ALG12: variants seen among roughly 807,000 people sequenced by gnomAD.
The protein encoded by ALG12 is ALG12 alpha-1,6-mannosyltransferase, also known as dol-P-Man:Man(7)GlcNAc(2)-PP-Dol alpha-1,6-mannosyltransferase.
Under a neutral mutation model 46.0 loss-of-function variants are expected in ALG12, and 36 were observed. The observed-to-expected ratio is 0.78, with a 90% confidence interval of 0.60 to 1.03. The LOEUF (loss-of-function observed/expected upper bound fraction) is 1.03, where lower values mean the gene tolerates loss of function less well. ALG12 is among the 50% of genes least tolerant of loss of function. The probability of loss-of-function intolerance (pLI) is 0.00; values close to 1 mark genes in which losing one functional copy is unlikely to be tolerated. For synonymous variants in ALG12, 326 were observed against 291.6 expected, an observed-to-expected ratio of 1.12 and a Z score of -1.20; for missense variants, 599 against 633.5, an observed-to-expected ratio of 0.95 and a Z score of 0.58.
At chr22:49,871,759 T>TTAG in the ALG12 span, among the ~76,000 whole-genome samples, 8 of 15,096 alleles carry the variant, frequency 5.3e-4, no homozygotes, top group Admixed American at 3.7e-3. Context: ...ATTTATTTAT[T>TTAG]TTTTTTTTTT....
chr22:49,883,569 A>C, the ALG12 span: 1 of 1,428,676 alleles, frequency 7.0e-7, no homozygotes, highest in African/African-American at 1.5e-5. Flanking sequence ...ATTATGACGA[A>C]AAAGTGAAGA....
At position 49,907,956 on chromosome 22, in the gene ALG12, G is replaced by C. The variant is rs369030452; in HGVS notation, c.769-12C>G. On this transcript the variant is annotated splice_polypyrimidine_tract_variant and intron_variant, in intron 6 of 9. Transcript: ENST00000330817. Reference sequence around the variant, plus strand: ...AGCAGCGGGGAGGTCTGCGGGCTGGGTTAAGGAGGCCACGCACCTGTCCAC... The same window carrying C: ...AGCAGCGGGGAGGTCTGCGGGCTGGCTTAAGGAGGCCACGCACCTGTCCAC... The C allele has an allele frequency of 1.2e-6, 2 of 1,610,544 alleles. No individual in the cohort carries two copies. The highest frequency in any genetic ancestry group is 1.7e-6 in the Non-Finnish European group (2 of 1,179,682).
chr22:49,878,237 G>A, the ALG12 span, among the ~76,000 whole-genome samples: 12 of 151,430 alleles, frequency 7.9e-5, no homozygotes, highest in African/African-American at 2.2e-4. Flanking sequence ...CCCGGGAGGC[G>A]GAGGTTACAG....
the ALG12 span, chr22:49,885,524 G>A: frequency 3.8e-5 from 61 of 1,608,568 alleles, no homozygotes; most frequent in Non-Finnish European, 5.1e-5. Flanking sequence ...GAGACGGCTC[G>A]GCCCTCCTCT....
the ALG12 span, among the ~76,000 whole-genome samples, chr22:49,860,196 G>A: frequency 6.6e-6 from 1 of 152,280 alleles, no homozygotes; most frequent in Non-Finnish European, 1.5e-5. Context: ...CTACTCAGGA[G>A]GCTGAGGTGG....
the ALG12 span, chr22:49,885,492 C>T: frequency 1.3e-5 from 21 of 1,611,840 alleles, no homozygotes; most frequent in African/African-American, 2.7e-5. Flanking sequence ...TCCATAGCAA[C>T]GTGCTGAAAA....
At chr22:49,907,456 G>C (rs928135920) in intron 7 of ALG12, among the ~76,000 whole-genome samples, 74 of 152,272 alleles carry the variant, frequency 4.9e-4, no homozygotes, top group African/African-American at 1.8e-3. Flanking sequence ...TTTGACATAA[G>C]CGCCTAGTTC....
chr22:49,884,902 T>A, the ALG12 span: 2 of 1,602,364 alleles, frequency 1.2e-6, no homozygotes, highest in East Asian at 4.5e-5. Flanking sequence ...CGTGGCGGCC[T>A]TCTCATCTTC....
At chr22:49,899,828 A>G (rs2060496652), downstream of ALG12, among the ~76,000 whole-genome samples, 1 of 151,996 alleles carries the variant, frequency 6.6e-6, no homozygotes, top group African/African-American at 2.4e-5. Context: ...CCAGTGAGAA[A>G]TCCTTGCATC....
downstream of ALG12, among the ~76,000 whole-genome samples, chr22:49,899,409 C>T (rs375891380): frequency 1.2e-4 from 18 of 149,098 alleles, no homozygotes; most frequent in Admixed American, 2.7e-4. Context: ...GCCTGGGAGG[C>T]GGAGGTTGCA....
the ALG12 span, among the ~76,000 whole-genome samples, chr22:49,883,073 T>C: frequency 6.6e-6 from 1 of 152,372 alleles, no homozygotes; most frequent in South Asian, 2.1e-4. Context: ...TATACCATTC[T>C]AGGTTTTAAT....
chr22:49,869,553 G>T, the ALG12 span, among the ~76,000 whole-genome samples: 1 of 152,128 alleles, frequency 6.6e-6, no homozygotes, highest in East Asian at 1.9e-4. Flanking sequence ...TTCTGGTTTG[G>T]CTCTCATTTT....
chr22:49,886,840 G>T, the ALG12 span: 1 of 1,613,906 alleles, frequency 6.2e-7, no homozygotes, highest in Non-Finnish European at 8.5e-7. This position sits in a 1 kb window ranked among gnomAD's most constrained non-coding sequence, Gnocchi z 7.7. Flanking sequence ...AGACTCTGCC[G>T]CAGAGGAGAA....
At chr22:49,877,917 T>C in the ALG12 span, among the ~76,000 whole-genome samples, 1 of 152,208 alleles carries the variant, frequency 6.6e-6, no homozygotes, top group African/African-American at 2.4e-5. Flanking sequence ...TCTTTTGTTA[T>C]TGCTGCATAA....
At chr22:49,884,851 T>C in the ALG12 span, 4 of 1,610,546 alleles carry the variant, frequency 2.5e-6, no homozygotes, top group Admixed American at 3.3e-5. Context: ...GACTGAGGAC[T>C]TGCAGTCTCA....
chr22:49,859,611 T>C, the ALG12 span, among the ~76,000 whole-genome samples: 1 of 152,360 alleles, frequency 6.6e-6, no homozygotes, highest in Admixed American at 6.5e-5. Flanking sequence ...ACGTAGTCAT[T>C]GTGCTTGTCT....
the ALG12 span, chr22:49,884,712 A>C: frequency 3.1e-6 from 5 of 1,596,936 alleles, no homozygotes; most frequent in Non-Finnish European, 4.3e-6. Flanking sequence ...GCATCCCGCC[A>C]CTGTACTCCA....
chr22:49,903,445 G>A lies in ALG12; in HGVS notation c.*393C>T, dbSNP rs550904403. On this transcript the variant is annotated 3_prime_UTR_variant, in exon 10 of 10. Coordinates refer to ENST00000330817, the MANE Select transcript of ALG12 (RefSeq NM_024105.4). Reference sequence around the variant, plus strand: ...GGCCCTCGGGCAGCAAGCGTGGGGTGCTGCCAAAATACAGCTCCCCCTGGG... The same window carrying A: ...GGCCCTCGGGCAGCAAGCGTGGGGTACTGCCAAAATACAGCTCCCCCTGGG... 587 of 468,238 alleles carry A rather than the reference G, an allele frequency of 1.3e-3. No homozygotes were observed. Among genetic ancestry groups the A allele is most frequent in the Non-Finnish European group, 2.2e-3 (527 of 235,088 alleles). The allele number at this position is 468,238 out of a possible 1,614,324, so 29.0% of individuals were successfully genotyped here. A position where few individuals can be genotyped will look rare whatever the true frequency, so the allele number is the denominator to read the frequency against.
rs577206387 is a variant in ALG12, at chr22:49,911,176, G to A, written c.296-569C>T. 5.9e-5 allele frequency among the ~76,000 whole-genome samples: 9 copies of A among 152,358 alleles called. No individual in the cohort carries two copies. In the South Asian group the frequency reaches 1.2e-3, roughly 21 times the overall value. On this transcript the variant is annotated intron_variant, in intron 3 of 9. Transcript: ENST00000330817. Reference sequence around the variant, plus strand: ...CTCACCGTGGACCGGCCTGTCAGCCGCTGGCAAGAGACTGAAAACAGGAAG... The same window carrying A: ...CTCACCGTGGACCGGCCTGTCAGCCACTGGCAAGAGACTGAAAACAGGAAG...
Sources: allele counts gnomAD v4.1 joint callset (sites outside exome capture counted in the v4.1 genomes callset), GRCh38; gene constraint gnomAD v4.1.1; non-coding constraint Gnocchi (gnomAD v3.1); transcripts MANE v1.5; gene names NCBI Gene and HGNC (gene_info 2026-07-23, HGNC 2026-07-21).